MIS18BP1: variants seen among roughly 807,000 people sequenced by gnomAD.
MIS18BP1 encodes MIS18 binding protein 1, also known as mis18-binding protein 1.
Under a neutral mutation model 116.1 loss-of-function variants are expected in MIS18BP1, and 72 were observed. That is an observed-to-expected ratio of 0.62 (90% CI 0.51 to 0.75). The LOEUF (loss-of-function observed/expected upper bound fraction) is 0.75, where lower values mean the gene tolerates loss of function less well. MIS18BP1 is among the 30% of genes least tolerant of loss of function. The pLI is 0.00. For missense variants in MIS18BP1, 1,363 were observed against 1,303.2 expected (o/e 1.05, Z -0.71); for synonymous variants, 386 against 427.0 (o/e 0.90, Z 1.18).
At chr14:45,238,671 A>G (rs1256171626) in intron 4 of MIS18BP1, among the ~76,000 whole-genome samples, 2 of 152,166 alleles carry the variant, frequency 1.3e-5, no homozygotes, top group Non-Finnish European at 2.9e-5. Flanking sequence ...AAAAAAGTTT[A>G]AAAATTAGCT....
chr14:45,235,666 T>A, intron 6 of MIS18BP1, 148 bp downstream of exon 6: 1 of 526,500 alleles, frequency 1.9e-6, no homozygotes, highest in Non-Finnish European at 3.0e-6. Flanking sequence ...AGAAAAAAAA[T>A]TACCAGTTTT....
At chr14:45,233,903 T>C (rs1327710603) in intron 6 of MIS18BP1, among the ~76,000 whole-genome samples, 1 of 152,060 alleles carries the variant, frequency 6.6e-6, no homozygotes, top group South Asian at 2.1e-4. Context: ...GTTTGAGATA[T>C]AAAATTGGCA....
rs1005002379 is a variant in MIS18BP1 at position 45,224,877 on chromosome 14, G to A, written c.1841-131C>T. 2.5e-5 allele frequency: 17 copies of A among 673,596 alleles called. No individual in the cohort carries two copies. In the East Asian group the frequency reaches 4.8e-4, roughly 19 times the overall value. 41.7% of individuals were successfully genotyped at this position (673,596 alleles called of 1,614,324 possible). On this transcript the variant is annotated intron_variant, in intron 10 of 16. Transcript: ENST00000310806. ...CACGAGCTACACTGTATACCCACCTGTCATATTAATCTTTCTGAAGCCCAG... is the reference window on the plus strand; with the variant it reads ...CACGAGCTACACTGTATACCCACCTATCATATTAATCTTTCTGAAGCCCAG...
rs1476561649 is a variant in MIS18BP1, at chr14:45,214,518, AGACCAGGGGCGCCGCCCGGG to A, written c.3003+2481_3003+2500del. 8.5e-5 allele frequency among the ~76,000 whole-genome samples: 13 copies of A among 152,234 alleles called. No individual in the cohort carries two copies. In the East Asian group the frequency reaches 2.5e-3, roughly 30 times the overall value. On this transcript the variant is annotated intron_variant, in intron 13 of 16. Coordinates refer to ENST00000310806, the MANE Select transcript of MIS18BP1 (RefSeq NM_018353.5). ...ATCAATAAATACTGAGGGAACTCAG[AGACCAGGGGCGCCGCCCGGG>A]GCCTCAGCAGGGGGCCTTGTATGCT...
intron 10 of MIS18BP1, among the ~76,000 whole-genome samples, chr14:45,225,807 C>A (rs1460568132): frequency 1.3e-5 from 2 of 152,168 alleles, no homozygotes; most frequent in African/African-American, 4.8e-5. Context: ...TGCAAATCAT[C>A]CCACTGTCAT....
Position 45,237,717 on chromosome 14 carries a change from A to G in MIS18BP1, c.1148T>C (p.Val383Ala). The G allele has an allele frequency of 1.9e-6, 3 of 1,601,384 alleles. No individual in the cohort carries two copies. Among genetic ancestry groups the G allele is most frequent in the Non-Finnish European group, 2.6e-6 (3 of 1,175,572 alleles). ...VTNGLKKNQV[V>A]QLQEWMIKSI... ...TTTAATCATCCATTCCTGTAGCTGA[A>G]CTACCTAATCAAGTATAAAACAAAG... is the stretch of plus-strand genomic sequence containing the variant. Residue 383 changes from valine to alanine, a missense_variant, in exon 5 of 17, where the codon GTT (valine) becomes GCT (alanine). Physicochemically the swap from Val to Ala is moderately conservative, Grantham distance 64. Coordinates refer to ENST00000310806, the MANE Select transcript of MIS18BP1 (RefSeq NM_018353.5).
rs1352839108 is a variant in MIS18BP1 at position 45,246,755 on chromosome 14, T to G, written c.532A>C (p.Ser178Arg). The G allele has an allele frequency of 1.3e-6, 2 of 1,563,634 alleles. No individual in the cohort carries two copies. Among genetic ancestry groups the G allele is most frequent in the Non-Finnish European group, 1.7e-6 (2 of 1,162,632 alleles). Residue 178 changes from serine to arginine, a missense_variant, in exon 2 of 17, where the codon AGT (serine) becomes CGT (arginine). Physicochemically the swap from Ser to Arg is moderately radical, Grantham distance 110. Transcript: ENST00000310806. ...ACATAAAACTAACCTCTTAGTGAAC[T>G]GTCATCTGACTGGAATGATTTGTTG... is the stretch of plus-strand genomic sequence containing the variant. ...ENNKSFQSDD[S>R]SLRASVQGVP...
chr14:45,247,119 A>C lies in MIS18BP1; in HGVS notation c.168T>G (p.Asn56Lys). ...VKYQNSSLKL[N>K]DHKKNQFLKM... is the part of the protein sequence containing the mutation. ...TTAGGAACTGATTCTTTTTATGGTC[A>C]TTCAATTTTAAGGAGGAGTTCTGAT... The change falls in exon 2 of 17, where the codon AAT (asparagine) becomes AAG (lysine). Residue 56 changes from asparagine (N) to lysine (K), a missense_variant. By Grantham distance (94) the Asn-to-Lys change is moderately conservative. Coordinates refer to ENST00000310806, the MANE Select transcript of MIS18BP1 (RefSeq NM_018353.5). The C allele has an allele frequency of 6.2e-7, 1 of 1,612,774 alleles. No individual in the cohort carries two copies. The highest frequency in any genetic ancestry group is 8.5e-7 in the Non-Finnish European group (1 of 1,179,842).
At chr14:45,216,204 T>A (rs1183808201) in intron 13 of MIS18BP1, among the ~76,000 whole-genome samples, 1 of 152,214 alleles carries the variant, frequency 6.6e-6, no homozygotes, top group African/African-American at 2.4e-5. Flanking sequence ...TTTCTTAGGA[T>A]AAACTCTCAA....
At chr14:45,235,719 C>G (rs949827238) in intron 6 of MIS18BP1, 95 bp downstream of exon 6, 2 of 991,578 alleles carry the variant, frequency 2.0e-6, no homozygotes, top group African/African-American at 3.4e-5. Context: ...TTTAAAAATA[C>G]CTAATTAAAA....
At chr14:45,237,268 C>T (rs900310478) in intron 5 of MIS18BP1, among the ~76,000 whole-genome samples, 1 of 152,082 alleles carries the variant, frequency 6.6e-6, no homozygotes, top group African/African-American at 2.4e-5. Flanking sequence ...GATTCCTTTT[C>T]TGGATCAGTA....
At chr14:45,231,610 A>G (rs1891280372) in intron 7 of MIS18BP1, among the ~76,000 whole-genome samples, 2 of 152,226 alleles carry the variant, frequency 1.3e-5, no homozygotes, top group African/African-American at 4.8e-5. Context: ...TGTTTTTGTA[A>G]ATGAAGTTTA....
intron 13 of MIS18BP1, among the ~76,000 whole-genome samples, chr14:45,216,136 T>C (rs1566805090): frequency 6.6e-6 from 1 of 152,208 alleles, no homozygotes; most frequent in Admixed American, 6.5e-5. Context: ...TGTTTCCAGT[T>C]TTTTGCTATG....
At chr14:45,213,219 G>T (rs563724085) in intron 13 of MIS18BP1, among the ~76,000 whole-genome samples, 22 of 152,230 alleles carry the variant, frequency 1.4e-4, no homozygotes, top group African/African-American at 5.3e-4. Flanking sequence ...TGTTTCTTCT[G>T]AGGAGGTAAG....
chr14:45,209,562 G>C (rs1890619766), intron 14 of MIS18BP1, among the ~76,000 whole-genome samples: 4 of 151,978 alleles, frequency 2.6e-5, no homozygotes, highest in African/African-American at 9.7e-5. Context: ...GAACTCCTGG[G>C]CTCAAGTGAT....
At position 45,204,189 on chromosome 14, in the gene MIS18BP1, C is replaced by T. The variant is rs1566798311; in HGVS notation, c.3319G>A (p.Gly1107Arg). The T allele has an allele frequency of 4.3e-6, 7 of 1,610,108 alleles. No homozygotes were observed. Among genetic ancestry groups the T allele is most frequent in the Non-Finnish European group, 5.1e-6 (6 of 1,178,590 alleles). The change falls in exon 17 of 17, where the codon GGA becomes AGA. Residue 1107 changes from glycine (G) to arginine (R), a missense_variant. Gly to Arg is a moderately radical substitution (Grantham distance 125, BLOSUM62 -2). Coordinates refer to ENST00000310806, the MANE Select transcript of MIS18BP1 (RefSeq NM_018353.5). ...NTDLGENSGI[G>R]KLFTNAVESL... ...TCCACAGCATTAGTGAAAAGTTTTC[C>T]AATACCAGAGTTTTCTCCTAAGTCT...
chr14:45,222,634 G>C (rs1891006085), intron 11 of MIS18BP1, among the ~76,000 whole-genome samples: 1 of 152,138 alleles, frequency 6.6e-6, no homozygotes, highest in Admixed American at 6.6e-5. Flanking sequence ...CTAGAAACTG[G>C]GTGTGGTCTA....
In MIS18BP1 at chr14:45,242,772, T is replaced by G; in HGVS notation, c.647A>C (p.Asn216Thr). ...CQQEKKAPLHNLTYELPTLNQ... is the reference protein window; with the variant it reads ...CQQEKKAPLHTLTYELPTLNQ... ...CAAAAATAGTTTACCGTAAGTTAAATTGTGCAGTGGTGCTTTCTTTTCCTG... is the reference window on the plus strand; with the variant it reads ...CAAAAATAGTTTACCGTAAGTTAAAGTGTGCAGTGGTGCTTTCTTTTCCTG... Residue 216 changes from asparagine (N) to threonine (T), a missense_variant, in exon 3 of 17, where the codon AAT (asparagine) becomes ACT (threonine). Transcript: ENST00000310806. 6.2e-7 allele frequency: 1 copy of G among 1,604,936 alleles called. No individual in the cohort carries two copies. Among genetic ancestry groups the G allele is most frequent in the Non-Finnish European group, 8.5e-7 (1 of 1,176,726 alleles).
intron 11 of MIS18BP1, among the ~76,000 whole-genome samples, chr14:45,219,218 C>G (rs1242725274): frequency 6.6e-6 from 1 of 152,130 alleles, no homozygotes; most frequent in South Asian, 2.1e-4. Context: ...TATTTTTAAT[C>G]TGTTTCTTTG....
Sources: allele counts gnomAD v4.1 joint callset (sites outside exome capture counted in the v4.1 genomes callset), GRCh38; gene constraint gnomAD v4.1.1; transcripts MANE v1.5; gene names NCBI Gene and HGNC (gene_info 2026-07-23, HGNC 2026-07-21).